The following PRKDC variants were observed in gnomAD, a reference collection of about 807,000 sequenced individuals.
The protein encoded by PRKDC is protein kinase, DNA-activated, catalytic subunit.
Under a neutral mutation model 486.9 loss-of-function variants are expected in PRKDC, and 82 were observed. That is an observed-to-expected ratio of 0.17 (90% CI 0.14 to 0.20). PRKDC has a LOEUF of 0.20. Among genes scored for constraint, PRKDC ranks in the 10% least tolerant of loss-of-function variants. PRKDC has a pLI of 1.00. For synonymous variants in PRKDC, 1,895 were observed against 1,837.0 expected, an observed-to-expected ratio of 1.03 and a Z score of -0.81; for missense variants, 4,504 against 5,038.2, an observed-to-expected ratio of 0.89 and a Z score of 3.21.
At chr8:47,934,773 A>C (rs1056270645) in intron 14 of PRKDC, among the ~76,000 whole-genome samples, 3 of 152,220 alleles carry the variant, frequency 2.0e-5, no homozygotes, top group African/African-American at 7.2e-5. Flanking sequence ...AACATTTCTG[A>C]TTTACAAAAA....
At chr8:47,847,114 T>C (rs184091133) in intron 54 of PRKDC, among the ~76,000 whole-genome samples, 2 of 152,280 alleles carry the variant, frequency 1.3e-5, no homozygotes, top group Admixed American at 1.3e-4. Flanking sequence ...ACTACCTATG[T>C]CACTTTTCAC....
chr8:47,927,198 C>A lies in PRKDC; in HGVS notation c.2415G>T (p.Leu805Phe). Residue 805 changes from leucine (L) to phenylalanine (F), a missense_variant, in exon 21 of 86, where the codon TTG becomes TTT. Leu to Phe is a conservative substitution (Grantham distance 22). Around this residue, in one of 6 missense-constraint regions of PRKDC, gnomAD observed 1,969 missense variants for 2,068.9 expected, o/e 0.95. Coordinates refer to ENST00000314191, the MANE Select transcript of PRKDC (RefSeq NM_006904.7). The stretch of plus-strand genomic sequence containing the variant: ...CACAATTCTTCTAAACATTACCTGA[C>A]AAGGCTGAAGTCTTCAGGTATCCAT... ...CLDGYLKTSA[L>F]SDETKNNWEV... 1 of 1,613,304 alleles carries A rather than the reference C, an allele frequency of 6.2e-7. No individual in the cohort carries two copies. The highest frequency in any genetic ancestry group is 8.5e-7 in the Non-Finnish European group (1 of 1,179,400).
At chr8:47,943,494 T>G in intron 9 of PRKDC, 128 bp from the exon 10 acceptor site, 1 of 962,266 alleles carries the variant, frequency 1.0e-6, no homozygotes, top group Non-Finnish European at 1.5e-6. Context: ...TACACTACAG[T>G]AACCCAGGGA....
rs1191986544 is a variant in PRKDC at position 47,828,149 on chromosome 8, A to C, written c.8577+19T>G. 1.2e-6 allele frequency: 2 copies of C among 1,600,236 alleles called. No individual in the cohort carries two copies. Among genetic ancestry groups the C allele is most frequent in the South Asian group, 2.2e-5 (2 of 89,290 alleles). ...CACAGCAAACAATGTATATTTGATG[A>C]AGTGTGTGCAGACTTTACCTGAATA... On this transcript the variant is annotated intron_variant, in intron 62 of 85. Transcript: ENST00000314191.
At chr8:47,799,165 T>G (rs993119977) in intron 72 of PRKDC, 45 bp downstream of exon 72, 3 of 1,607,808 alleles carry the variant, frequency 1.9e-6, no homozygotes, top group African/African-American at 2.7e-5. Context: ...TCATAAGACT[T>G]TATGCTGACA....
chr8:47,837,896 G>C (rs1187816296), intron 56 of PRKDC, among the ~76,000 whole-genome samples: 1 of 152,158 alleles, frequency 6.6e-6, no homozygotes, highest in Non-Finnish European at 1.5e-5. Flanking sequence ...AGCACTTTGG[G>C]AGGCTGAGGT....
At chr8:47,945,798 C>CA (rs1364538019) in intron 7 of PRKDC, among the ~76,000 whole-genome samples, 1 of 152,106 alleles carries the variant, frequency 6.6e-6, no homozygotes, top group African/African-American at 2.4e-5. Flanking sequence ...CTCAGCTCAC[C>CA]ACAACCTCCA....
At chr8:47,854,293 A>G (rs2088482761) in intron 50 of PRKDC, 79 bp from the exon 51 acceptor site, 1 of 1,522,506 alleles carries the variant, frequency 6.6e-7, no homozygotes, top group Admixed American at 1.7e-5. Context: ...ACAGAATTTT[A>G]TTTTTTTGAG....
intron 68 of PRKDC, among the ~76,000 whole-genome samples, chr8:47,814,525 T>C (rs2087401021): frequency 6.6e-6 from 1 of 152,058 alleles, no homozygotes; most frequent in South Asian, 2.1e-4. Context: ...TAAAAAGCAA[T>C]TACATTAGCA....
Position 47,823,953 on chromosome 8 carries a change from A to C in PRKDC, c.8827T>G (p.Phe2943Val). Residue 2943 changes from phenylalanine to valine, a missense_variant, in exon 64 of 86, where the codon TTT (phenylalanine) becomes GTT (valine). Coordinates refer to ENST00000314191, the MANE Select transcript of PRKDC (RefSeq NM_006904.7). The part of the protein sequence containing the change: ...IGEYDVLRGI[F>V]TSEIGTKQIT... ...TGCTTTGTTCCTATCTCACTGGTAA[A>C]AATCCCACGGAGGACGTCGTATTCT... is the stretch of plus-strand genomic sequence containing the variant. 9.9e-6 allele frequency: 16 copies of C among 1,613,578 alleles called. No individual in the cohort carries two copies. The highest frequency in any genetic ancestry group is 1.3e-5 in the Non-Finnish European group (15 of 1,179,644).
At chr8:47,946,653 C>T (rs929908662) in intron 7 of PRKDC, among the ~76,000 whole-genome samples, 1 of 152,130 alleles carries the variant, frequency 6.6e-6, no homozygotes, top group African/African-American at 2.4e-5. Flanking sequence ...TAAATACTAC[C>T]TACGTGATGA....
chr8:47,817,681 CT>C, intron 67 of PRKDC, 120 bp from the exon 68 acceptor site: 7 of 613,822 alleles, frequency 1.1e-5, no homozygotes, highest in Non-Finnish European at 1.7e-5. Flanking sequence ...AAAGTCCTTT[CT>C]TTTACAAAAG....
chr8:47,921,027 G>T (rs551784390), intron 21 of PRKDC, among the ~76,000 whole-genome samples: 5 of 152,272 alleles, frequency 3.3e-5, no homozygotes, highest in Middle Eastern at 6.8e-3. Flanking sequence ...GCCGAGGGGG[G>T]CGGATCACGA....
In PRKDC at chr8:47,953,519, T is replaced by C. The variant is rs2090658017; in HGVS notation, c.721+101A>G. 4 of 1,138,110 alleles carry C rather than the reference T, an allele frequency of 3.5e-6. 1 individual carries two copies. In the South Asian group the frequency reaches 5.3e-5, roughly 15 times the overall value. 70.5% of individuals were successfully genotyped at this position (1,138,110 alleles called of 1,614,324 possible). A position where few individuals can be genotyped will look rare whatever the true frequency, so the allele number is the denominator to read the frequency against. ...CTCTAGATTATTTCTCACTACTGTA[T>C]GTAAATTCAGGATTGGTTAAGAGTT... On this transcript the variant is annotated intron_variant, in intron 7 of 85. Transcript: ENST00000314191.
At chr8:47,938,419 AAAAAAAAAAAAGAAAG>A (rs1271059617) in intron 11 of PRKDC, among the ~76,000 whole-genome samples, 1 of 144,638 alleles carries the variant, frequency 6.9e-6, no homozygotes, top group Non-Finnish European at 1.5e-5. Context: ...CTCAAAAATT[AAAAAAAAAAAAGAAAG>A]AAAAAAAGAA....
chr8:47,893,245 T>G lies in PRKDC; in HGVS notation c.3741A>C (p.Pro1247=). ...AGCATAGCGTGGCCTGCAGGCTGAA[T>G]GGCCCCCGAAGGTACAAGAGGGTGG... ...AQPTLLYLRG[P]FSLQATLCWL... is the part of the protein sequence containing the mutation. Residue 1247 remains proline, a synonymous_variant, in exon 31 of 86, where the codon CCA becomes CCC. Coordinates refer to ENST00000314191, the MANE Select transcript of PRKDC (RefSeq NM_006904.7). The G allele has an allele frequency of 6.2e-7, 1 of 1,612,592 alleles. No individual in the cohort carries two copies. The highest frequency in any genetic ancestry group is 8.5e-7 in the Non-Finnish European group (1 of 1,179,220).
chr8:47,813,669 G>A (rs749012186), intron 68 of PRKDC, among the ~76,000 whole-genome samples: 1 of 151,884 alleles, frequency 6.6e-6, no homozygotes, highest in Non-Finnish European at 1.5e-5. Context: ...TCTGCCTCCC[G>A]GGTTCAAGCG....
At chr8:47,851,251 G>T (rs1168435149) in intron 52 of PRKDC, among the ~76,000 whole-genome samples, 1 of 152,134 alleles carries the variant, frequency 6.6e-6, no homozygotes, top group Non-Finnish European at 1.5e-5. Flanking sequence ...GATTAAACCT[G>T]GGGATCTGCT....
At position 47,881,958 on chromosome 8, in the gene PRKDC, A is replaced by G. The variant is rs921455096; in HGVS notation, c.4916T>C (p.Leu1639Pro). ...CDSWWAKDSP[L>P]ETKMAVLALL... ...GGCCAGCACTGCCATTTTAGTTTCG[A>G]GAGGGGAATCTTTGGCCCACCATGA... Residue 1639 changes from leucine (L) to proline (P), a missense_variant, in exon 37 of 86, where the codon CTC becomes CCC. Around this residue, in one of 6 missense-constraint regions of PRKDC, gnomAD observed 1,969 missense variants for 2,068.9 expected, o/e 0.95. Transcript: ENST00000314191. The G allele has an allele frequency of 6.2e-7, 1 of 1,613,546 alleles. No individual in the cohort carries two copies. Among genetic ancestry groups the G allele is most frequent in the African/African-American group, 1.3e-5 (1 of 74,906 alleles).
Sources: allele counts gnomAD v4.1 joint callset (sites outside exome capture counted in the v4.1 genomes callset), GRCh38; gene constraint gnomAD v4.1.1; regional missense constraint gnomAD v4.1.1; transcripts MANE v1.5; gene names NCBI Gene and HGNC (gene_info 2026-07-23, HGNC 2026-07-21).